Variants in GALNT18 observed in about 807,000 individuals in gnomAD.
GALNT18 encodes polypeptide N-acetylgalactosaminyltransferase 18.
GALNT18 carries 44 observed loss-of-function variants against 69.5 expected under a neutral mutation model. That is an observed-to-expected ratio of 0.63 (90% confidence interval 0.50 to 0.81). The LOEUF is 0.81. GALNT18 is among the 40% of genes least tolerant of loss of function. The pLI, the probability that GALNT18 is intolerant of heterozygous loss-of-function variation, is 0.00. For missense variants in GALNT18, 715 were observed against 810.0 expected (o/e 0.88, Z 1.42); for synonymous variants, 364 against 318.2 (o/e 1.14, Z -1.53).
rs371411498 is a variant in GALNT18, at chr11:11,544,546, C to A, written c.235+76813G>T. 7.2e-4 allele frequency among the ~76,000 whole-genome samples: 109 copies of A among 152,304 alleles called. No individual in the cohort carries two copies. The South Asian group carries it at 0.01, about 14-fold the overall frequency. On this transcript the variant is annotated intron_variant, in intron 1 of 10. Coordinates refer to ENST00000227756, the MANE Select transcript of GALNT18 (RefSeq NM_198516.3). The stretch of plus-strand genomic sequence containing the variant: ...TGCTCTTAAAAAGTGAACAGTCAAG[C>A]ATCACAATTCCTTTTTATTTTTAAG...
rs181403217 is a variant in GALNT18, at chr11:11,291,180, G to A, written c.1677+1849C>T. On this transcript the variant is annotated intron_variant, in intron 10 of 10. Coordinates refer to ENST00000227756, the MANE Select transcript of GALNT18 (RefSeq NM_198516.3). ...TAGGCACAGTGTCAAGTCAGCAGTA[G>A]CTCCCAGCTGGGGCATCTGGTGTTT... Among the ~76,000 whole-genome samples, 379 of 152,224 alleles carry A rather than the reference G, an allele frequency of 2.5e-3. 1 individual carries two copies. The highest frequency in any genetic ancestry group is 4.1e-3 in the Admixed American group (62 of 15,302).
In GALNT18 at chr11:11,341,843, T is replaced by C. The variant is rs186537238; in HGVS notation, c.1093-839A>G. ...TCACCTCTCAAGACCTTGATCAGGC[T>C]GGGCACAGTGGCTCACACCTGTAAT... On this transcript the variant is annotated intron_variant, in intron 6 of 10. Transcript: ENST00000227756. This position sits in a 1 kb window ranked among gnomAD's most constrained non-coding sequence, Gnocchi z 6.3. Among the ~76,000 whole-genome samples, 18 of 152,202 alleles carry C rather than the reference T, an allele frequency of 1.2e-4. No individual in the cohort carries two copies. The highest frequency in any genetic ancestry group is 5.8e-4 in the East Asian group (3 of 5,174).
At chr11:11,440,842 C>T (rs1855518483) in intron 2 of GALNT18, among the ~76,000 whole-genome samples, 1 of 152,210 alleles carries the variant, frequency 6.6e-6, no homozygotes, top group African/African-American at 2.4e-5. Flanking sequence ...GCTCTACAAA[C>T]ATTACACAAA....
intron 10 of GALNT18, among the ~76,000 whole-genome samples, chr11:11,279,641 C>A (rs1849025855): frequency 6.6e-6 from 1 of 152,116 alleles, no homozygotes; most frequent in South Asian, 2.1e-4. Context: ...AGCAGCCAGA[C>A]AAAATACAAA....
intron 3 of GALNT18, among the ~76,000 whole-genome samples, chr11:11,428,213 T>G (rs940540633): frequency 6.6e-6 from 1 of 152,228 alleles, no homozygotes; most frequent in African/African-American, 2.4e-5. Flanking sequence ...CATAGCCGCT[T>G]TCCTCCAAGT....
rs1412071096 is a variant in GALNT18 at position 11,603,492 on chromosome 11, G to T, written c.235+17867C>A. Among the ~76,000 whole-genome samples the T allele has an allele frequency of 6.6e-6, 1 of 152,094 alleles. No individual in the cohort carries two copies. The highest frequency in any genetic ancestry group is 1.5e-5 in the Non-Finnish European group (1 of 68,034). ...GAAGTCTGCAAGGAAATCCAGTTTTGAAATGATACACAGCACCCACCCCCT... is the reference window on the plus strand; with the variant it reads ...GAAGTCTGCAAGGAAATCCAGTTTTTAAATGATACACAGCACCCACCCCCT... On this transcript the variant is annotated intron_variant, in intron 1 of 10. Coordinates refer to ENST00000227756, the MANE Select transcript of GALNT18 (RefSeq NM_198516.3). The surrounding 1 kb of genome is among the most constrained non-coding windows in gnomAD (Gnocchi z 4.5).
In GALNT18 at chr11:11,465,349, T is replaced by A. The variant is rs1856133836; in HGVS notation, c.236-16413A>T. ...TCCATCACACTGTGTAGCCCAGGGC[T>A]AGGAAGCAGAGATTCCCACCTTATG... is the stretch of plus-strand genomic sequence containing the variant. On this transcript the variant is annotated intron_variant, in intron 1 of 10. Transcript: ENST00000227756. This position sits in a 1 kb window ranked among gnomAD's most constrained non-coding sequence, Gnocchi z 5.7. Among the ~76,000 whole-genome samples the A allele has an allele frequency of 6.6e-6, 1 of 152,110 alleles. No homozygotes were observed. Among genetic ancestry groups the A allele is most frequent in the Admixed American group, 6.5e-5 (1 of 15,278 alleles).
chr11:11,432,702 G>T lies in GALNT18; in HGVS notation c.514C>A (p.Arg172Ser). ...CGTTCCATGGCCGAGTGGATGGAGC[G>T]CAGCAGCACTGAAAGCGCTTCATTG... is the stretch of plus-strand genomic sequence containing the variant. ...FVNEALSVLL[R>S]SIHSAMERTP... Residue 172 changes from arginine to serine, a missense_variant, in exon 3 of 11, where the codon CGC becomes AGC. Coordinates refer to ENST00000227756, the MANE Select transcript of GALNT18 (RefSeq NM_198516.3). This position sits in a 1 kb window ranked among gnomAD's most constrained non-coding sequence, Gnocchi z 5.8. The T allele has an allele frequency of 6.2e-7, 1 of 1,613,714 alleles. No individual in the cohort carries two copies. Among genetic ancestry groups the T allele is most frequent in the Non-Finnish European group, 8.5e-7 (1 of 1,179,868 alleles).
At chr11:11,501,185 T>C (rs1209959223) in intron 1 of GALNT18, among the ~76,000 whole-genome samples, 1 of 152,248 alleles carries the variant, frequency 6.6e-6, no homozygotes, top group Non-Finnish European at 1.5e-5. Context: ...ATTTATTCAG[T>C]AATTCACTCA....
Position 11,505,891 on chromosome 11 carries a change from T to G in GALNT18, c.236-56955A>C, listed in dbSNP as rs959903047. Among the ~76,000 whole-genome samples, 4 of 152,224 alleles carry G rather than the reference T, an allele frequency of 2.6e-5. No homozygotes were observed. Among genetic ancestry groups the G allele is most frequent in the African/African-American group, 2.4e-5 (1 of 41,452 alleles). On this transcript the variant is annotated intron_variant, in intron 1 of 10. Transcript: ENST00000227756. The surrounding 1 kb of genome is among the most constrained non-coding windows in gnomAD (Gnocchi z 4.6). ...ATCTCCGAGTCAGAGAAGCCAGCCA[T>G]CCATCCTCACTCCTCTGAAAGGAAG...
At position 11,539,672 on chromosome 11, in the gene GALNT18, C is replaced by T. The variant is rs551974819; in HGVS notation, c.235+81687G>A. Among the ~76,000 whole-genome samples the T allele has an allele frequency of 6.6e-5, 10 of 152,218 alleles. No homozygotes were observed. The East Asian group carries it at 7.7e-4, about 12-fold the overall frequency. ...AGGCTGCGGAGGGTTCCATGCACCCCGCTTCTCACCTGCAAGCTAATGGGT... is the reference window on the plus strand; with the variant it reads ...AGGCTGCGGAGGGTTCCATGCACCCTGCTTCTCACCTGCAAGCTAATGGGT... On this transcript the variant is annotated intron_variant, in intron 1 of 10. Transcript: ENST00000227756.
intron 1 of GALNT18, among the ~76,000 whole-genome samples, chr11:11,589,534 G>C (rs543160493): frequency 6.6e-6 from 1 of 151,708 alleles, no homozygotes; most frequent in Non-Finnish European, 1.5e-5. Flanking sequence ...GAAACTGTTA[G>C]CTCCATACTC....
In GALNT18 at chr11:11,604,582, G is replaced by A. The variant is rs1328322144; in HGVS notation, c.235+16777C>T. Among the ~76,000 whole-genome samples the A allele has an allele frequency of 1.3e-5, 2 of 152,228 alleles. No individual in the cohort carries two copies. The highest frequency in any genetic ancestry group is 2.9e-5 in the Non-Finnish European group (2 of 68,048). On this transcript the variant is annotated intron_variant, in intron 1 of 10. Coordinates refer to ENST00000227756, the MANE Select transcript of GALNT18 (RefSeq NM_198516.3). The surrounding 1 kb of genome is among the most constrained non-coding windows in gnomAD (Gnocchi z 5.6). ...CACCAAGTCTGCATGGCGGAGAGAA[G>A]GGTGATGTGGATCAGAATGCAGCCT...
At chr11:11,348,588 A>G (rs913293327) in intron 6 of GALNT18, among the ~76,000 whole-genome samples, 7 of 152,048 alleles carry the variant, frequency 4.6e-5, no homozygotes, top group African/African-American at 1.7e-4. Context: ...ATTCCTTAAC[A>G]TGGTTTGCAA....
intron 1 of GALNT18, among the ~76,000 whole-genome samples, chr11:11,576,075 T>C (rs919481663): frequency 6.6e-6 from 1 of 152,210 alleles, no homozygotes; most frequent in Non-Finnish European, 1.5e-5. Flanking sequence ...GCACTTCCAC[T>C]GAACCACTGG....
At chr11:11,352,889 TTTC>T (rs750111475) in intron 6 of GALNT18, 51 of 1,614,176 alleles carry the variant, frequency 3.2e-5, no homozygotes, top group African/African-American at 2.9e-4. Flanking sequence ...CACGCTTAAT[TTTC>T]TTCTTTTTTA....
intron 1 of GALNT18, among the ~76,000 whole-genome samples, chr11:11,522,549 C>T (rs572283282): frequency 6.6e-6 from 1 of 152,302 alleles, no homozygotes; most frequent in Admixed American, 6.5e-5. Context: ...CACCACTCAG[C>T]TCAACAAGCA....
rs779896713 is a variant in GALNT18, at chr11:11,616,787, C to A, written c.235+4572G>T. 6.6e-6 allele frequency among the ~76,000 whole-genome samples: 1 copy of A among 152,198 alleles called. No homozygotes were observed. The highest frequency in any genetic ancestry group is 2.4e-5 in the African/African-American group (1 of 41,436). Reference sequence around the variant, plus strand: ...CTCAAACGTGTTTACACTATTTGTACTTGTCACTGTAACGGCATAACCTAA... The same window carrying A: ...CTCAAACGTGTTTACACTATTTGTAATTGTCACTGTAACGGCATAACCTAA... On this transcript the variant is annotated intron_variant, in intron 1 of 10. Transcript: ENST00000227756. The surrounding 1 kb of genome is among the most constrained non-coding windows in gnomAD (Gnocchi z 4.4).
Position 11,415,727 on chromosome 11 carries a change from G to C in GALNT18, c.595+16894C>G, listed in dbSNP as rs146329991. 6.6e-6 allele frequency among the ~76,000 whole-genome samples: 1 copy of C among 152,092 alleles called. No individual in the cohort carries two copies. The highest frequency in any genetic ancestry group is 2.4e-5 in the African/African-American group (1 of 41,396). The stretch of plus-strand genomic sequence containing the variant: ...ATCTATCTCCCACCCACACCTATGC[G>C]TCTTCCCACCCATGCATCCATGCAT... On this transcript the variant is annotated intron_variant, in intron 3 of 10. Coordinates refer to ENST00000227756, the MANE Select transcript of GALNT18 (RefSeq NM_198516.3). The surrounding 1 kb of genome is among the most constrained non-coding windows in gnomAD (Gnocchi z 4.1).
Sources: gnomAD v4.1 joint callset for allele counts (sites outside exome capture counted in the v4.1 genomes callset) on GRCh38, gnomAD v4.1.1 for gene constraint, Gnocchi (gnomAD v3.1) non-coding constraint, MANE v1.5 for transcripts, NCBI Gene and HGNC (gene_info 2026-07-23, HGNC 2026-07-21) for gene names.